COX7B2: variants seen among roughly 807,000 people sequenced by gnomAD.
The protein encoded by COX7B2 is cytochrome c oxidase subunit 7B2, mitochondrial.
For synonymous variants in COX7B2, 37 were observed against 32.1 expected (o/e 1.15, Z -0.51); for missense variants, 109 against 95.9 (o/e 1.14, Z -0.57).
intron 2 of COX7B2, among the ~76,000 whole-genome samples, chr4:46,787,348 G>A (rs1240203640): frequency 6.6e-6 from 1 of 152,058 alleles, no homozygotes; most frequent in Non-Finnish European, 1.5e-5. Context: ...TTGGGAGGCT[G>A]AGGCAGGAGA....
chr4:46,845,523 C>T (rs1225368359), intron 1 of COX7B2, among the ~76,000 whole-genome samples: 1 of 151,760 alleles, frequency 6.6e-6, no homozygotes, highest in African/African-American at 2.4e-5. Context: ...CATTCTATAA[C>T]AATAGTGAGG....
At chr4:46,794,412 A>G (rs1025935617) in intron 2 of COX7B2, among the ~76,000 whole-genome samples, 20 of 152,146 alleles carry the variant, frequency 1.3e-4, no homozygotes, top group Non-Finnish European at 2.4e-4. Flanking sequence ...CTTTGGTTTA[A>G]TATATAGGAA....
At chr4:46,738,475 C>T (rs1339467149) in intron 2 of COX7B2, among the ~76,000 whole-genome samples, 2 of 152,060 alleles carry the variant, frequency 1.3e-5, no homozygotes. Flanking sequence ...AGTCTCTTTG[C>T]TCTTTTTCTT....
chr4:46,780,151 A>G (rs955233028), intron 2 of COX7B2, among the ~76,000 whole-genome samples: 2 of 152,208 alleles, frequency 1.3e-5, no homozygotes, highest in African/African-American at 4.8e-5. Flanking sequence ...ATCCAGGGTT[A>G]CATGGTTGGA....
At chr4:46,870,381 C>A (rs945536727) in intron 1 of COX7B2, among the ~76,000 whole-genome samples, 2 of 151,984 alleles carry the variant, frequency 1.3e-5, no homozygotes, top group Non-Finnish European at 2.9e-5. Context: ...CAACATTATA[C>A]TGAATGAGCA....
chr4:46,740,787 A>G (rs1364674456), intron 2 of COX7B2, among the ~76,000 whole-genome samples: 1 of 152,132 alleles, frequency 6.6e-6, no homozygotes, highest in African/African-American at 2.4e-5. Context: ...AAATCAGATC[A>G]ATTTAGTAAG....
At chr4:46,848,250 A>G (rs1308512673) in intron 1 of COX7B2, among the ~76,000 whole-genome samples, 2 of 152,096 alleles carry the variant, frequency 1.3e-5, no homozygotes, top group African/African-American at 4.8e-5. Flanking sequence ...AAGTCGGCTC[A>G]TTTTAATTAC....
intron 2 of COX7B2, among the ~76,000 whole-genome samples, chr4:46,764,184 A>G (rs1230083878): frequency 6.6e-6 from 1 of 152,226 alleles, no homozygotes; most frequent in Non-Finnish European, 1.5e-5. Context: ...TAAGGCAGTG[A>G]GCACTACTTA....
intron 2 of COX7B2, among the ~76,000 whole-genome samples, chr4:46,754,146 T>C (rs1715594900): frequency 1.3e-5 from 2 of 152,050 alleles, no homozygotes; most frequent in Admixed American, 6.6e-5. Flanking sequence ...ATTGTGGAAG[T>C]CAGTGTGGCG....
chr4:46,898,050 T>C (rs1453898516), intron 1 of COX7B2, among the ~76,000 whole-genome samples: 1 of 152,188 alleles, frequency 6.6e-6, no homozygotes, highest in Non-Finnish European at 1.5e-5. Flanking sequence ...CTCATTCTCA[T>C]GACTGCTGTC....
chr4:46,860,833 C>T (rs1051820737), intron 1 of COX7B2, among the ~76,000 whole-genome samples: 1 of 152,082 alleles, frequency 6.6e-6, no homozygotes. Context: ...TGAGAGGTCC[C>T]CTGTTGTGAG....
intron 2 of COX7B2, among the ~76,000 whole-genome samples, chr4:46,797,969 A>C (rs1718451085): frequency 6.6e-6 from 1 of 152,210 alleles, no homozygotes; most frequent in African/African-American, 2.4e-5. Context: ...AGGATTATAT[A>C]AACTGGCCAG....
At chr4:46,787,219 G>A (rs966453114) in intron 2 of COX7B2, among the ~76,000 whole-genome samples, 47 of 152,110 alleles carry the variant, frequency 3.1e-4, no homozygotes, top group Non-Finnish European at 3.4e-4. Flanking sequence ...AAGTCGAGGC[G>A]GGCAGATCAC....
intron 1 of COX7B2, among the ~76,000 whole-genome samples, chr4:46,861,951 CCTACACTCCCTACTATTG>C (rs1717359891): frequency 6.6e-6 from 1 of 152,188 alleles, no homozygotes; most frequent in Admixed American, 6.5e-5. Context: ...TTAGCCCCAG[CCTACACTCCCTACTATTG>C]CCTTGCTCAA....
intron 1 of COX7B2, among the ~76,000 whole-genome samples, chr4:46,877,308 C>G (rs1560432937): frequency 6.6e-6 from 1 of 152,182 alleles, no homozygotes; most frequent in Non-Finnish European, 1.5e-5. Context: ...CATCTGCGTC[C>G]AAAACCAAGG....
intron 2 of COX7B2, among the ~76,000 whole-genome samples, chr4:46,785,708 A>C (rs192778779): frequency 6.6e-6 from 1 of 152,334 alleles, no homozygotes; most frequent in African/African-American, 2.4e-5. Context: ...ATAAAAGGAC[A>C]AGGATAAAAG....
At chr4:46,844,115 G>T (rs1305164004) in intron 2 of COX7B2, among the ~76,000 whole-genome samples, 2 of 151,896 alleles carry the variant, frequency 1.3e-5, no homozygotes, top group Non-Finnish European at 1.5e-5. Context: ...GAATTCTCAT[G>T]TTAAATTATT....
At chr4:46,865,922 C>G (rs2109811578) in intron 1 of COX7B2, among the ~76,000 whole-genome samples, 1 of 152,222 alleles carries the variant, frequency 6.6e-6, no homozygotes, top group South Asian at 2.1e-4. Context: ...GTGGAATTCT[C>G]CCCCACTTAA....
chr4:46,817,550 A>G (rs775679617), intron 2 of COX7B2, among the ~76,000 whole-genome samples: 3 of 152,192 alleles, frequency 2.0e-5, no homozygotes, highest in Non-Finnish European at 4.4e-5. Flanking sequence ...GGGCAACTTT[A>G]ATTTGTTATC....
Sources: gnomAD v4.1 joint callset for allele counts (sites outside exome capture counted in the v4.1 genomes callset) on GRCh38, gnomAD v4.1.1 for gene constraint, MANE v1.5 for transcripts, NCBI Gene and HGNC (gene_info 2026-07-23, HGNC 2026-07-21) for gene names.